Variants in VIT observed in about 807,000 individuals in gnomAD.
VIT encodes vitrin.
Under a neutral mutation model 78.0 loss-of-function variants are expected in VIT, and 99 were observed. The ratio of observed to expected loss-of-function variants is 1.27; its 90% confidence interval spans 1.08 to 1.50. The LOEUF is 1.50. VIT is among the 40% of genes most tolerant of loss of function. VIT has a pLI of 0.00. For missense variants in VIT, 1,126 were observed against 875.3 expected, an observed-to-expected ratio of 1.29 and a Z score of -3.61; for synonymous variants, 374 against 334.3, an observed-to-expected ratio of 1.12 and a Z score of -1.29.
chr2:36,697,404 C>T (rs1350514741), intron 1 of VIT, among the ~76,000 whole-genome samples: 3 of 152,212 alleles, frequency 2.0e-5, no homozygotes, highest in Non-Finnish European at 4.4e-5. Context: ...GAAATGGGCA[C>T]ATTGGTGCTA....
At chr2:36,748,855 C>T (rs190866646) in intron 4 of VIT, among the ~76,000 whole-genome samples, 52 of 152,322 alleles carry the variant, frequency 3.4e-4, no homozygotes, top group African/African-American at 1.1e-3. Context: ...TCTCTCAAAA[C>T]GTCTGTTCAA....
intron 11 of VIT, among the ~76,000 whole-genome samples, chr2:36,784,622 C>G (rs1302367519): frequency 6.6e-6 from 1 of 152,214 alleles, no homozygotes; most frequent in African/African-American, 2.4e-5. Context: ...AAGCATTAGT[C>G]TATAAAATGG....
At chr2:36,766,171 C>T (rs1166931882) in intron 6 of VIT, among the ~76,000 whole-genome samples, 1 of 152,238 alleles carries the variant, frequency 6.6e-6, no homozygotes, top group Non-Finnish European at 1.5e-5. Context: ...GAGCCAACTA[C>T]AGCGGTGTTT....
chr2:36,699,630 A>AGG (rs1558495806), intron 1 of VIT, among the ~76,000 whole-genome samples: 103 of 79,254 alleles, frequency 1.3e-3, no homozygotes, highest in African/African-American at 4.9e-3. Context: ...ATATAGGTAG[A>AGG]TAGATAGATA....
intron 11 of VIT, among the ~76,000 whole-genome samples, chr2:36,786,179 TC>T (rs1445239117): frequency 2.6e-5 from 4 of 152,086 alleles, no homozygotes; most frequent in Middle Eastern, 3.2e-3. Context: ...TTTTTTTTTT[TC>T]CTATATGGAG....
chr2:36,714,162 G>T (rs907869110), intron 1 of VIT, among the ~76,000 whole-genome samples: 2 of 152,156 alleles, frequency 1.3e-5, no homozygotes, highest in East Asian at 1.9e-4. Context: ...TAATTTAATT[G>T]TTTGTAATAA....
At chr2:36,801,111 C>T (rs1010368095) in intron 12 of VIT, among the ~76,000 whole-genome samples, 190 bp from the exon 13 acceptor site, 5 of 152,226 alleles carry the variant, frequency 3.3e-5, no homozygotes, top group Non-Finnish European at 5.9e-5. Context: ...AGTCAACACA[C>T]GCCTTCTGAG....
intron 13 of VIT, among the ~76,000 whole-genome samples, chr2:36,804,131 T>C (rs938665768): frequency 6.6e-6 from 1 of 152,222 alleles, no homozygotes; most frequent in East Asian, 1.9e-4. Context: ...GGAAAAGTCA[T>C]GGCAGGAGGC....
At chr2:36,810,902 G>A (rs1161884511) in intron 15 of VIT, among the ~76,000 whole-genome samples, 2 of 152,164 alleles carry the variant, frequency 1.3e-5, no homozygotes, top group Admixed American at 6.5e-5. Context: ...CCAAAGTGCT[G>A]GGATCACAGG....
intron 3 of VIT, among the ~76,000 whole-genome samples, chr2:36,735,809 A>G (rs1462090113): frequency 1.3e-5 from 2 of 152,184 alleles, no homozygotes; most frequent in African/African-American, 2.4e-5. Flanking sequence ...CCCTGAAACA[A>G]GGGGAATTTG....
intron 6 of VIT, among the ~76,000 whole-genome samples, chr2:36,761,138 G>C (rs1016834035): frequency 2.6e-5 from 4 of 152,200 alleles, no homozygotes; most frequent in Non-Finnish European, 5.9e-5. Flanking sequence ...ACGTGTGATG[G>C]ATCTGCAGAA....
intron 1 of VIT, among the ~76,000 whole-genome samples, chr2:36,711,559 G>T (rs902840464): frequency 6.6e-6 from 1 of 152,100 alleles, no homozygotes; most frequent in Non-Finnish European, 1.5e-5. Flanking sequence ...TGGGAATTGT[G>T]CATACTCCAC....
At chr2:36,729,307 G>A (rs1222134043) in intron 2 of VIT, 119 bp from the exon 3 acceptor site, 9 of 805,498 alleles carry the variant, frequency 1.1e-5, no homozygotes, top group Non-Finnish European at 1.7e-5. Flanking sequence ...ACTGTAAGAG[G>A]GAAAATTAGT....
At chr2:36,801,446 G>T in intron 13 of VIT, 42 bp downstream of exon 13, 1 of 1,493,112 alleles carries the variant, frequency 6.7e-7, no homozygotes. Flanking sequence ...TGCTACCATC[G>T]TTCTCTTTCT....
Position 36,805,491 on chromosome 2 carries a change from A to C in VIT, c.1216A>C (p.Arg406=), listed in dbSNP as rs777892725. The change falls in exon 14 of 16, where the codon AGA becomes CGA. Residue 406 remains arginine (R), a synonymous_variant. Coordinates refer to ENST00000379242, the MANE Select transcript of VIT (RefSeq NM_053276.4). ...CTTCTTTTCCAAAGCCAATGGAAACAGAAGCGGGGCTCCCAATGTGGTGGT... is the reference window on the plus strand; with the variant it reads ...CTTCTTTTCCAAAGCCAATGGAAACCGAAGCGGGGCTCCCAATGTGGTGGT... ...KNFFSKANGN[R]SGAPNVVVVM... is the part of the protein sequence containing the mutation. 1.9e-5 allele frequency: 31 copies of C among 1,613,952 alleles called. No homozygotes were observed. Among genetic ancestry groups the C allele is most frequent in the Non-Finnish European group, 2.5e-5 (29 of 1,179,960 alleles).
rs753700175 is a variant in VIT at position 36,801,415 on chromosome 2, C to T, written c.1162+11C>T. On this transcript the variant is annotated intron_variant, in intron 13 of 15. Transcript: ENST00000379242. ...GACTTTCTAATGTAGGTATGTGATC[C>T]GGATTCAAATTATACTATCTTGCTA... 2.4e-5 allele frequency: 38 copies of T among 1,591,828 alleles called. No individual in the cohort carries two copies. The highest frequency in any genetic ancestry group is 2.0e-4 in the Admixed American group (12 of 59,954).
chr2:36,777,922 T>G (rs1361521111), intron 9 of VIT, among the ~76,000 whole-genome samples: 4 of 152,160 alleles, frequency 2.6e-5, no homozygotes, highest in African/African-American at 9.7e-5. Flanking sequence ...ACACCTCCTT[T>G]GTGTTTAGAT....
At chr2:36,752,683 C>A (rs187246631) in intron 4 of VIT, among the ~76,000 whole-genome samples, 1 of 152,368 alleles carries the variant, frequency 6.6e-6, no homozygotes, top group East Asian at 1.9e-4. Flanking sequence ...GTGTCTCCTA[C>A]ATTGGTCAAG....
intron 3 of VIT, among the ~76,000 whole-genome samples, chr2:36,740,619 A>C (rs536642641): frequency 7.9e-5 from 12 of 152,322 alleles, no homozygotes; most frequent in African/African-American, 2.6e-4. Context: ...CCCGTGGGAC[A>C]AATTAATGAG....
Sources: gnomAD v4.1 joint callset for allele counts (sites outside exome capture counted in the v4.1 genomes callset) on GRCh38, gnomAD v4.1.1 for gene constraint, MANE v1.5 for transcripts, NCBI Gene and HGNC (gene_info 2026-07-23, HGNC 2026-07-21) for gene names.